SHC3: variants seen among roughly 807,000 people sequenced by gnomAD.
SHC3 encodes the protein SHC adaptor protein 3, also known as SHC-transforming protein 3.
In SHC3, 15 loss-of-function variants were observed where a neutral mutation model predicts 60.4. The observed-to-expected ratio is 0.25, with a 90% confidence interval of 0.17 to 0.38. The LOEUF (loss-of-function observed/expected upper bound fraction) is 0.38. Ranked by LOEUF, SHC3 falls within the 10% of genes least tolerant of loss-of-function variation. The pLI is 1.00. For missense variants in SHC3, 677 were observed against 786.1 expected (o/e 0.86, Z 1.66); for synonymous variants, 294 against 325.9 (o/e 0.90, Z 1.05).
intron 1 of SHC3, among the ~76,000 whole-genome samples, chr9:89,163,906 A>C (rs1826747514): frequency 6.6e-6 from 1 of 151,660 alleles, no homozygotes; most frequent in African/African-American, 2.4e-5. Flanking sequence ...TTCTTGCTGC[A>C]TTCTTACATG....
At chr9:89,171,152 A>C (rs1233465671) in intron 1 of SHC3, among the ~76,000 whole-genome samples, 1 of 152,236 alleles carries the variant, frequency 6.6e-6, no homozygotes, top group Non-Finnish European at 1.5e-5. Flanking sequence ...GTAAACTGTA[A>C]GAGGCCCAGA....
At chr9:89,052,288 A>G (rs762468883) in intron 6 of SHC3, 125 bp from the exon 7 acceptor site, 23 of 1,191,306 alleles carry the variant, frequency 1.9e-5, no homozygotes, top group Non-Finnish European at 2.5e-5. Context: ...AATATGTCCT[A>G]GCAGATCCAA....
chr9:89,178,468 C>T lies in SHC3; in HGVS notation c.-8G>A. The T allele has an allele frequency of 1.4e-6, 2 of 1,429,240 alleles. No individual in the cohort carries two copies. Among genetic ancestry groups the T allele is most frequent in the African/African-American group, 1.5e-5 (1 of 67,872 alleles). 88.5% of individuals were successfully genotyped at this position (1,429,240 alleles called of 1,614,324 possible). On this transcript the variant is annotated 5_prime_UTR_variant, in exon 1 of 12. Transcript: ENST00000375835. This position sits in a 1 kb window ranked among gnomAD's most constrained non-coding sequence, Gnocchi z 6.9. ...CTTGGTGCGTGGAAGCATGCCCCTC[C>T]GTGGGCTCGCTGCATCCGCCCGGGC...
chr9:89,102,488 A>AGTGTT (rs1825797170), intron 2 of SHC3, among the ~76,000 whole-genome samples: 1 of 152,212 alleles, frequency 6.6e-6, no homozygotes, highest in South Asian at 2.1e-4. Context: ...GAGATATGCA[A>AGTGTT]GTGTTATAAT....
chr9:89,113,891 C>T (rs1825985832), intron 1 of SHC3, among the ~76,000 whole-genome samples: 1 of 152,188 alleles, frequency 6.6e-6, no homozygotes, highest in South Asian at 2.1e-4. Context: ...AATTAGGCTA[C>T]CATCAACATT....
chr9:89,168,443 A>C (rs1564194801), intron 1 of SHC3, among the ~76,000 whole-genome samples: 1 of 152,168 alleles, frequency 6.6e-6, no homozygotes, highest in African/African-American at 2.4e-5. Context: ...CAGCCTGGGC[A>C]ACAAGAGCAA....
intron 5 of SHC3, among the ~76,000 whole-genome samples, chr9:89,067,493 G>C (rs1307463714): frequency 6.6e-6 from 1 of 152,216 alleles, no homozygotes; most frequent in African/African-American, 2.4e-5. Context: ...AGGATTTGCA[G>C]CTGGATTTCC....
chr9:89,167,434 A>G (rs1219937023), intron 1 of SHC3, among the ~76,000 whole-genome samples: 1 of 152,178 alleles, frequency 6.6e-6, no homozygotes. Flanking sequence ...CGGGCTGACC[A>G]AGCAAGGGGT....
intron 2 of SHC3, among the ~76,000 whole-genome samples, chr9:89,108,350 C>CA (rs147186310): frequency 0.2 from 28,226 of 144,060 alleles, 2,768 homozygotes; most frequent in African/African-American, 0.26. Context: ...CCACCTCTAC[C>CA]AAAAAAAAAA....
chr9:89,048,312 T>C (rs1824807034), intron 7 of SHC3, among the ~76,000 whole-genome samples: 1 of 150,352 alleles, frequency 6.7e-6, no homozygotes, highest in Non-Finnish European at 1.5e-5. Context: ...AAAGGTCATA[T>C]ACCTATACAC....
intron 2 of SHC3, chr9:89,110,097 A>T (rs1355243065): frequency 1.0e-6 from 1 of 985,328 alleles, no homozygotes; most frequent in East Asian, 1.1e-4. Flanking sequence ...ACCTTTCCAA[A>T]AGAAAGATGT....
chr9:89,081,952 G>T (rs1825451263), intron 2 of SHC3, among the ~76,000 whole-genome samples: 1 of 152,062 alleles, frequency 6.6e-6, no homozygotes, highest in South Asian at 2.1e-4. Flanking sequence ...GAGAGGTCAG[G>T]GGTGGAGAGG....
At chr9:89,141,210 G>T (rs142112958) in intron 1 of SHC3, among the ~76,000 whole-genome samples, 2 of 152,332 alleles carry the variant, frequency 1.3e-5, no homozygotes, top group African/African-American at 4.8e-5. Flanking sequence ...CAGAGACCAA[G>T]AGAAAGTACT....
At chr9:89,125,021 T>C (rs1401746195) in intron 1 of SHC3, among the ~76,000 whole-genome samples, 2 of 152,102 alleles carry the variant, frequency 1.3e-5, no homozygotes, top group East Asian at 1.9e-4. Context: ...AAAGTCATCA[T>C]GTGGGGCAGC....
At chr9:89,087,356 G>A (rs1825547041) in intron 2 of SHC3, among the ~76,000 whole-genome samples, 2 of 152,166 alleles carry the variant, frequency 1.3e-5, no homozygotes, top group African/African-American at 4.8e-5. Flanking sequence ...AAACTAATGT[G>A]GAAATACTCT....
chr9:89,169,750 G>A (rs1826841999), intron 1 of SHC3, among the ~76,000 whole-genome samples: 1 of 152,178 alleles, frequency 6.6e-6, no homozygotes, highest in African/African-American at 2.4e-5. Context: ...AAGTTGGGTG[G>A]CGGGCCATTT....
At chr9:89,120,908 A>C (rs966266588) in intron 1 of SHC3, among the ~76,000 whole-genome samples, 2 of 151,720 alleles carry the variant, frequency 1.3e-5, no homozygotes, top group African/African-American at 2.4e-5. Flanking sequence ...ATTTAAAATA[A>C]AAATTAAAAA....
chr9:89,137,399 G>A (rs940650048), intron 1 of SHC3, among the ~76,000 whole-genome samples: 1 of 152,078 alleles, frequency 6.6e-6, no homozygotes, highest in African/African-American at 2.4e-5. Context: ...GGCACCTCCA[G>A]TTAACTGCAA....
intron 1 of SHC3, among the ~76,000 whole-genome samples, chr9:89,165,502 A>T (rs899314869): frequency 3.6e-5 from 5 of 138,648 alleles, no homozygotes; most frequent in African/African-American, 1.4e-4. Context: ...TGGCAAGATC[A>T]GTAGTTTATT....
Sources: allele counts gnomAD v4.1 joint callset (sites outside exome capture counted in the v4.1 genomes callset), GRCh38; gene constraint gnomAD v4.1.1; non-coding constraint Gnocchi (gnomAD v3.1); transcripts MANE v1.5; gene names NCBI Gene and HGNC (gene_info 2026-07-23, HGNC 2026-07-21).